The following LMBR1 variants were observed in gnomAD, a reference collection of about 807,000 sequenced individuals.
LMBR1 encodes limb region 1 protein homolog.
Under a neutral mutation model 73.9 loss-of-function variants are expected in LMBR1, and 52 were observed. The ratio of observed to expected loss-of-function variants is 0.70; its 90% CI spans 0.56 to 0.89. The LOEUF is 0.89. LMBR1 is among the 40% of genes least tolerant of loss of function. LMBR1 has a pLI of 0.00. For missense variants in LMBR1, 539 were observed against 579.8 expected (o/e 0.93, Z 0.72); for synonymous variants, 215 against 209.4 (o/e 1.03, Z -0.23).
chr7:156,676,892 T>C (rs903894313), downstream of LMBR1: 2 of 471,792 alleles, frequency 4.2e-6, no homozygotes, highest in Non-Finnish European at 7.6e-6. Flanking sequence ...CAAATATGAA[T>C]AGCAAAAAAT....
Position 156,688,964 on chromosome 7 carries a change from T to A in LMBR1, c.1226-773A>T, listed in dbSNP as rs545277016. 7.9e-5 allele frequency among the ~76,000 whole-genome samples: 12 copies of A among 152,284 alleles called. No homozygotes were observed. In the South Asian group the frequency reaches 2.5e-3, roughly 32 times the overall value. ...TCCATTAAAAATTGTTAATCTGAGTTTAATGCTTATAGGCTTGTAGGGTAA... is the reference window on the plus strand; with the variant it reads ...TCCATTAAAAATTGTTAATCTGAGTATAATGCTTATAGGCTTGTAGGGTAA... On this transcript the variant is annotated intron_variant, in intron 15 of 16. Transcript: ENST00000353442.
At position 156,762,131 on chromosome 7, in the gene LMBR1, T is replaced by C. The variant is rs528767178; in HGVS notation, c.684+3A>G. The C allele has an allele frequency of 1.3e-6, 2 of 1,559,906 alleles. No homozygotes were observed. Among genetic ancestry groups the C allele is most frequent in the African/African-American group, 2.7e-5 (2 of 73,918 alleles). On this transcript the variant is annotated splice_donor_region_variant and intron_variant, in intron 8 of 16. Transcript: ENST00000353442. ...ACAAAATGATTTATAATTAAATACT[T>C]ACTGTTGGCTTCACTAGCAACTGAC...
downstream of LMBR1, chr7:156,676,938 T>C: frequency 8.1e-6 from 3 of 370,460 alleles, no homozygotes; most frequent in Non-Finnish European, 1.5e-5. Context: ...GAGGTTAAGA[T>C]ATAGCTAGTG....
At chr7:156,819,406 A>G (rs1428976467) in intron 4 of LMBR1, among the ~76,000 whole-genome samples, 2 of 152,250 alleles carry the variant, frequency 1.3e-5, no homozygotes, top group Non-Finnish European at 2.9e-5. Flanking sequence ...AAAATAAGCC[A>G]TTAAATTTCC....
At chr7:156,793,585 G>A (rs1829596866) in intron 5 of LMBR1, among the ~76,000 whole-genome samples, 1 of 152,114 alleles carries the variant, frequency 6.6e-6, no homozygotes, top group South Asian at 2.1e-4. Flanking sequence ...TAATCTGTGA[G>A]GAATTAAAAG....
chr7:156,863,644 T>G (rs1798039565), intron 1 of LMBR1, among the ~76,000 whole-genome samples: 1 of 152,220 alleles, frequency 6.6e-6, no homozygotes, highest in African/African-American at 2.4e-5. Flanking sequence ...ATACCAGCAA[T>G]GTATGAGAGT....
At position 156,669,651 on chromosome 7, in the gene LMBR1, T is replaced by G. The variant is rs577809024; in HGVS notation, n.867-364A>C. The stretch of plus-strand genomic sequence containing the variant: ...CCACAGCCACGTGAACACTGGAAAC[T>G]GCCCTCAGAGCCCCGGGGATGCGAG... On this transcript the variant is annotated intron_variant and non_coding_transcript_variant, in intron 4 of 4. Coordinates refer to the LMBR1 transcript ENST00000430825. This position sits in a 1 kb window ranked among gnomAD's most constrained non-coding sequence, Gnocchi z 4.2. Among the ~76,000 whole-genome samples, 1 of 152,186 alleles carries G rather than the reference T, an allele frequency of 6.6e-6. No homozygotes were observed. The highest frequency in any genetic ancestry group is 1.5e-5 in the Non-Finnish European group (1 of 68,012).
At chr7:156,676,301 A>C, downstream of LMBR1, 1 of 1,603,592 alleles carries the variant, frequency 6.2e-7, no homozygotes, top group South Asian at 1.1e-5. Flanking sequence ...ACAGAATGAA[A>C]CTTCCGCATG....
At chr7:156,841,843 A>T (rs1838754914) in intron 1 of LMBR1, among the ~76,000 whole-genome samples, 1 of 152,188 alleles carries the variant, frequency 6.6e-6, no homozygotes. Flanking sequence ...AGGAGCAAAG[A>T]AAATGTGAAG....
Position 156,669,189 on chromosome 7 carries a change from G to A in LMBR1, n.965C>T, listed in dbSNP as rs1801890409. ...CCCTCTGGGCAGACACAGGTGCAAG[G>A]GCCCAGGTGTGAGCACCCAGCCGGC... On this transcript the variant is annotated non_coding_transcript_exon_variant, in exon 5 of 5. Coordinates refer to the LMBR1 transcript ENST00000430825. The surrounding 1 kb of genome is among the most constrained non-coding windows in gnomAD (Gnocchi z 4.2). The A allele has an allele frequency of 2.0e-5, 3 of 152,238 alleles. No homozygotes were observed. The highest frequency in any genetic ancestry group is 4.4e-5 in the Non-Finnish European group (3 of 68,070). The allele number at this position is 152,238 out of a possible 1,614,324, so 9.4% of individuals were successfully genotyped here. A position where few individuals can be genotyped will look rare whatever the true frequency, so the allele number is the denominator to read the frequency against.
At chr7:156,728,785 C>T (rs919763902) in intron 10 of LMBR1, 65 bp from the exon 11 acceptor site, 5 of 1,102,088 alleles carry the variant, frequency 4.5e-6, no homozygotes, top group Non-Finnish European at 6.7e-6. Context: ...TTCCATAATG[C>T]TATAATCTGT....
intron 9 of LMBR1, chr7:156,736,465 C>T (rs1241715104): frequency 2.2e-6 from 1 of 455,036 alleles, no homozygotes; most frequent in East Asian, 7.0e-5. Context: ...ATGAAGCATG[C>T]ACATAGCTCA....
intron 1 of LMBR1, among the ~76,000 whole-genome samples, chr7:156,847,915 G>C (rs1327994124): frequency 6.6e-6 from 1 of 152,102 alleles, no homozygotes; most frequent in Non-Finnish European, 1.5e-5. Flanking sequence ...GTTAGATTTG[G>C]TATTTACCCA....
intron 10 of LMBR1, 158 bp downstream of exon 10, chr7:156,734,019 T>C (rs1817378338): frequency 6.2e-6 from 3 of 480,396 alleles, no homozygotes; most frequent in East Asian, 3.2e-5. Context: ...AAACTTATCC[T>C]CTCCCCAAAC....
In LMBR1 at chr7:156,841,720, A is replaced by C. The variant is rs78209742; in HGVS notation, c.67-4835T>G. Among the ~76,000 whole-genome samples the C allele has an allele frequency of 5.9e-4, 90 of 152,276 alleles. 2 individuals are homozygous for C. The East Asian group carries it at 0.017, about 28-fold the overall frequency. On this transcript the variant is annotated intron_variant, in intron 1 of 16. Transcript: ENST00000353442. ...ATGGAGGTCACTGGTGACCTTGACA[A>C]GAGTTATCTTGATGGAGTAGTGGAG...
intron 1 of LMBR1, among the ~76,000 whole-genome samples, chr7:156,892,188 C>T (rs962331125): frequency 2.0e-5 from 3 of 152,246 alleles, no homozygotes; most frequent in African/African-American, 7.2e-5. Flanking sequence ...TAAGAAGTTG[C>T]TTCCATAGCA....
At chr7:156,811,525 C>A (rs1323239398) in intron 4 of LMBR1, among the ~76,000 whole-genome samples, 1 of 152,078 alleles carries the variant, frequency 6.6e-6, no homozygotes, top group Admixed American at 6.6e-5. Context: ...AGAAGAATCA[C>A]CTAAACCCGG....
chr7:156,887,511 A>G (rs1048392165), intron 1 of LMBR1, among the ~76,000 whole-genome samples: 7 of 151,932 alleles, frequency 4.6e-5, no homozygotes, highest in Non-Finnish European at 1.0e-4. Context: ...GTACAAAAAA[A>G]TTAATTCAAA....
intron 1 of LMBR1, among the ~76,000 whole-genome samples, chr7:156,852,089 C>T (rs1197980085): frequency 6.6e-6 from 1 of 152,168 alleles, no homozygotes; most frequent in African/African-American, 2.4e-5. Context: ...TTTAAGAACA[C>T]ACCTCTAGGA....
Sources: gnomAD v4.1 joint callset for allele counts (sites outside exome capture counted in the v4.1 genomes callset) on GRCh38, gnomAD v4.1.1 for gene constraint, Gnocchi (gnomAD v3.1) non-coding constraint, MANE v1.5 for transcripts, NCBI Gene and HGNC (gene_info 2026-07-23, HGNC 2026-07-21) for gene names.